The following IFT88 variants were observed in gnomAD, a reference collection of about 807,000 sequenced individuals.
IFT88 encodes intraflagellar transport protein 88 homolog.
Under a neutral mutation model 119.5 loss-of-function variants are expected in IFT88, and 74 were observed. The ratio of observed to expected loss-of-function variants is 0.62; its 90% CI spans 0.51 to 0.75. The LOEUF (loss-of-function observed/expected upper bound fraction) is 0.75, where lower values mean the gene tolerates loss of function less well. IFT88 is among the 30% of genes least tolerant of loss of function. The pLI, the probability that IFT88 is intolerant of heterozygous loss-of-function variation, is 0.00. For synonymous variants in IFT88, 279 were observed against 316.7 expected, an observed-to-expected ratio of 0.88 and a Z score of 1.26; for missense variants, 961 against 977.7, an observed-to-expected ratio of 0.98 and a Z score of 0.23.
intron 3 of IFT88, among the ~76,000 whole-genome samples, chr13:20,584,607 G>A (rs942269643): frequency 4.6e-5 from 7 of 151,910 alleles, no homozygotes; most frequent in African/African-American, 1.5e-4. Flanking sequence ...TTCAGTATTA[G>A]TATTAAGGTT....
At chr13:20,632,525 A>G (rs539804826) in intron 16 of IFT88, among the ~76,000 whole-genome samples, 71 of 152,288 alleles carry the variant, frequency 4.7e-4, no homozygotes, top group African/African-American at 1.4e-3. Flanking sequence ...TGCTCAGAAT[A>G]ATGGCGTGGG....
intron 3 of IFT88, among the ~76,000 whole-genome samples, chr13:20,587,367 C>T (rs142357095): frequency 2.6e-5 from 4 of 152,000 alleles, no homozygotes; most frequent in Admixed American, 1.3e-4. Context: ...AAGCAATTCT[C>T]GGGCCTCAGC....
chr13:20,581,625 CAG>C (rs1356102214), intron 2 of IFT88, among the ~76,000 whole-genome samples: 1 of 151,988 alleles, frequency 6.6e-6, no homozygotes, highest in African/African-American at 2.4e-5. Context: ...TTAGGAGGCT[CAG>C]GGGTGGATCA....
chr13:20,595,209 A>G (rs9509292), intron 7 of IFT88, among the ~76,000 whole-genome samples: 60,326 of 152,096 alleles, frequency 0.4, 13,817 homozygotes, highest in Non-Finnish European at 0.52. Context: ...GCCGTAGTGC[A>G]TTATGATTGT....
intron 2 of IFT88, among the ~76,000 whole-genome samples, chr13:20,579,044 ATATT>A (rs1164450685): frequency 6.6e-6 from 1 of 151,892 alleles, no homozygotes; most frequent in Non-Finnish European, 1.5e-5. Context: ...TTCTGCTCTG[ATATT>A]TATTATTTTC....
intron 3 of IFT88, among the ~76,000 whole-genome samples, chr13:20,588,561 T>C (rs938606114): frequency 4.6e-5 from 7 of 152,204 alleles, no homozygotes; most frequent in African/African-American, 1.7e-4. Context: ...ATGAAACTAT[T>C]TACATTTACA....
intron 24 of IFT88, among the ~76,000 whole-genome samples, chr13:20,680,386 G>A (rs766105295): frequency 7.9e-5 from 12 of 152,146 alleles, no homozygotes; most frequent in Admixed American, 3.9e-4. Flanking sequence ...AAAAACTTTC[G>A]TTAGTGTATA....
chr13:20,629,166 A>G (rs1324287151), intron 15 of IFT88, among the ~76,000 whole-genome samples: 1 of 152,196 alleles, frequency 6.6e-6, no homozygotes, highest in Non-Finnish European at 1.5e-5. Context: ...GTAATACACC[A>G]TTTATTATGA....
At chr13:20,612,191 G>A (rs573149494) in intron 13 of IFT88, 5 of 152,180 alleles carry the variant, frequency 3.3e-5, no homozygotes, top group Non-Finnish European at 7.3e-5. Flanking sequence ...CTGAGATGAA[G>A]TGTAGTATTT....
intron 1 of IFT88, among the ~76,000 whole-genome samples, chr13:20,571,529 A>G (rs1052632817): frequency 1.3e-4 from 20 of 152,172 alleles, no homozygotes; most frequent in African/African-American, 4.8e-4. Flanking sequence ...TTTACAGTAT[A>G]TCTATATGGT....
intron 17 of IFT88, among the ~76,000 whole-genome samples, chr13:20,640,745 G>T (rs147104589): frequency 6.6e-6 from 1 of 152,206 alleles, no homozygotes; most frequent in Non-Finnish European, 1.5e-5. Context: ...CTATTGGTCT[G>T]TTTGTCTATT....
chr13:20,680,576 T>C (rs994516318), intron 24 of IFT88, among the ~76,000 whole-genome samples: 2 of 152,244 alleles, frequency 1.3e-5, no homozygotes, highest in African/African-American at 4.8e-5. Flanking sequence ...TCCTGCCTTC[T>C]TCAGATTTTC....
At chr13:20,587,338 A>T (rs1028252311) in intron 3 of IFT88, among the ~76,000 whole-genome samples, 2 of 151,822 alleles carry the variant, frequency 1.3e-5, no homozygotes, top group South Asian at 4.2e-4. Flanking sequence ...GCTCACTGCA[A>T]CGTCCACCTC....
chr13:20,651,428 ATGTT>A (rs377566582), intron 20 of IFT88, among the ~76,000 whole-genome samples: 30,853 of 145,638 alleles, frequency 0.21, 3,791 homozygotes, highest in African/African-American at 0.31. Context: ...ATACTTACAC[ATGTT>A]TGTGTAAGTA....
At chr13:20,645,212 C>T (rs2050553084) in intron 20 of IFT88, among the ~76,000 whole-genome samples, 1 of 152,076 alleles carries the variant, frequency 6.6e-6, no homozygotes, top group South Asian at 2.1e-4. Context: ...GCCTCAGCCT[C>T]CCGAGTAGCT....
Position 20,583,019 on chromosome 13 carries a change from A to C in IFT88, c.153A>C (p.Pro51=), listed in dbSNP as rs1241692889. 6.3e-7 allele frequency: 1 copy of C among 1,598,470 alleles called. No homozygotes were observed. Among genetic ancestry groups the C allele is most frequent in the Admixed American group, 1.8e-5 (1 of 56,320 alleles). The change falls in exon 3 of 26, where the codon CCA becomes CCC. Residue 51 remains proline (P), a splice_region_variant and synonymous_variant. Coordinates refer to ENST00000351808, the MANE Select transcript of IFT88 (RefSeq NM_006531.5). ...AVRTSHGRRP[P]ITAKISSTAV... Reference sequence around the variant, plus strand: ...GGACTAGTCATGGCAGAAGACCTCCAGTAAGTGAAAAAAATTTTTTTTAAA... The same window carrying C: ...GGACTAGTCATGGCAGAAGACCTCCCGTAAGTGAAAAAAATTTTTTTTAAA...
chr13:20,578,380 T>C (rs1450214366), intron 2 of IFT88, among the ~76,000 whole-genome samples: 1 of 149,942 alleles, frequency 6.7e-6, no homozygotes, highest in Non-Finnish European at 1.5e-5. Flanking sequence ...TTTTTTTTTT[T>C]TCAGTCTTGT....
At chr13:20,680,931 G>A (rs747154089) in intron 24 of IFT88, among the ~76,000 whole-genome samples, 5 of 152,134 alleles carry the variant, frequency 3.3e-5, no homozygotes, top group Non-Finnish European at 7.4e-5. Context: ...GGTAGATGCC[G>A]TTCAGCTGCT....
intron 14 of IFT88, among the ~76,000 whole-genome samples, chr13:20,622,938 A>G (rs902151088): frequency 1.3e-5 from 2 of 152,146 alleles, no homozygotes; most frequent in Non-Finnish European, 2.9e-5. Context: ...TTTTCTTCTA[A>G]CAGTTTTTTT....
Sources: gnomAD v4.1 joint callset for allele counts (sites outside exome capture counted in the v4.1 genomes callset) on GRCh38, gnomAD v4.1.1 for gene constraint, MANE v1.5 for transcripts, NCBI Gene and HGNC (gene_info 2026-07-23, HGNC 2026-07-21) for gene names.